Variants in ADAMTS17 observed in about 807,000 individuals in gnomAD.
ADAMTS17 encodes the protein A disintegrin and metalloproteinase with thrombospondin motifs 17.
A neutral mutation model predicts 141.5 loss-of-function variants in ADAMTS17; 113 were observed. The ratio of observed to expected loss-of-function variants is 0.80; its 90% CI spans 0.69 to 0.93. The LOEUF (loss-of-function observed/expected upper bound fraction) is 0.93. Ranked by LOEUF, ADAMTS17 falls within the 40% of genes least tolerant of loss-of-function variation. ADAMTS17 has a pLI of 0.00. For synonymous variants in ADAMTS17, 768 were observed against 630.6 expected (o/e 1.22, Z -3.27); for missense variants, 1,659 against 1,517.9 (o/e 1.09, Z -1.54).
At chr15:100,026,534 A>G (rs147894761) in intron 18 of ADAMTS17, among the ~76,000 whole-genome samples, 64 of 152,338 alleles carry the variant, frequency 4.2e-4, no homozygotes, top group African/African-American at 1.4e-3. Flanking sequence ...TTGCTTGTGT[A>G]AAAGCAGGCA....
chr15:100,048,742 A>G, intron 18 of ADAMTS17, 115 bp downstream of exon 18: 1 of 1,495,134 alleles, frequency 6.7e-7, no homozygotes, highest in Middle Eastern at 2.2e-4. Flanking sequence ...CATCAACAAT[A>G]ACGGAACACA....
At chr15:100,100,713 T>G (rs576056423) in intron 14 of ADAMTS17, among the ~76,000 whole-genome samples, 4 of 152,168 alleles carry the variant, frequency 2.6e-5, no homozygotes, top group Admixed American at 6.5e-5. Flanking sequence ...GGACATGAAC[T>G]ATGGGAGCAT....
chr15:100,148,987 G>A (rs895466049), intron 10 of ADAMTS17, among the ~76,000 whole-genome samples: 2 of 152,248 alleles, frequency 1.3e-5, no homozygotes, highest in Non-Finnish European at 2.9e-5. Context: ...TAGAGTAAGT[G>A]CAGGGGAGCA....
At chr15:100,015,886 G>C (rs1458431935) in intron 18 of ADAMTS17, among the ~76,000 whole-genome samples, 2 of 152,170 alleles carry the variant, frequency 1.3e-5, no homozygotes, top group Non-Finnish European at 2.9e-5. Flanking sequence ...CGTGTTCCTT[G>C]TGCTTCTTGT....
rs533937033 is a variant in ADAMTS17 at position 100,332,087 on chromosome 15, G to A, written c.451-1033C>T. Among the ~76,000 whole-genome samples the A allele has an allele frequency of 7.1e-4, 108 of 152,248 alleles. 1 individual carries two copies. The highest frequency in any genetic ancestry group is 3.4e-3 in the Middle Eastern group (1 of 294). ...CTTGCGTCCCCAAGATACAGGGTGAGGCCATACTTACCGCTCTAAGCATAT... is the reference window on the plus strand; with the variant it reads ...CTTGCGTCCCCAAGATACAGGGTGAAGCCATACTTACCGCTCTAAGCATAT... On this transcript the variant is annotated intron_variant, in intron 2 of 21. Coordinates refer to ENST00000268070, the MANE Select transcript of ADAMTS17 (RefSeq NM_139057.4).
At chr15:100,266,301 C>A (rs1165750939) in intron 4 of ADAMTS17, among the ~76,000 whole-genome samples, 1 of 152,212 alleles carries the variant, frequency 6.6e-6, no homozygotes, top group East Asian at 1.9e-4. Context: ...ATGATGTACA[C>A]ACAAAACCAG....
chr15:99,997,395 T>C lies in ADAMTS17; in HGVS notation c.2786A>G (p.Glu929Gly). Residue 929 changes from glutamate (E) to glycine (G), a missense_variant, in exon 19 of 22, where the codon GAG becomes GGG. By Grantham distance (98) the Glu-to-Gly change is moderately conservative. Coordinates refer to ENST00000268070, the MANE Select transcript of ADAMTS17 (RefSeq NM_139057.4). The surrounding 1 kb of genome is among the most constrained non-coding windows in gnomAD (Gnocchi z 4.7). ...QDCLSIWEASEWSQCSASCGK... is the reference protein window; with the variant it reads ...QDCLSIWEASGWSQCSASCGK... ...AGCCCAGGCACCCACCTGTGACCAC[T>C]CAGACGCCTCCCAGATGGACAGGCA... is the stretch of plus-strand genomic sequence containing the variant. 6.2e-7 allele frequency: 1 copy of C among 1,613,720 alleles called. No individual in the cohort carries two copies. Among genetic ancestry groups the C allele is most frequent in the Non-Finnish European group, 8.5e-7 (1 of 1,180,008 alleles).
intron 3 of ADAMTS17, among the ~76,000 whole-genome samples, chr15:100,328,314 C>T (rs1018863932): frequency 3.3e-5 from 5 of 152,182 alleles, no homozygotes; most frequent in African/African-American, 4.8e-5. Flanking sequence ...ACTGACTGCT[C>T]ATTAGCTCAG....
At chr15:100,087,132 G>T (rs1436252666) in intron 15 of ADAMTS17, among the ~76,000 whole-genome samples, 1 of 152,118 alleles carries the variant, frequency 6.6e-6, no homozygotes. Context: ...GAATCAAATA[G>T]ACACAATACA....
chr15:100,060,463 A>G (rs1324595823), intron 15 of ADAMTS17, among the ~76,000 whole-genome samples: 1 of 152,230 alleles, frequency 6.6e-6, no homozygotes, highest in Non-Finnish European at 1.5e-5. Flanking sequence ...ACCATGAGCC[A>G]TTCCAGGGAG....
intron 3 of ADAMTS17, among the ~76,000 whole-genome samples, chr15:100,283,934 C>T (rs139595282): frequency 0.017 from 2,562 of 152,184 alleles, 52 homozygotes; most frequent in Non-Finnish European, 0.022. Context: ...GGTGAAACCC[C>T]GTCTCTACTA....
At chr15:100,326,894 C>T (rs1019267318) in intron 3 of ADAMTS17, among the ~76,000 whole-genome samples, 22 of 152,284 alleles carry the variant, frequency 1.4e-4, no homozygotes, top group African/African-American at 3.9e-4. Flanking sequence ...AAGAAGTGAC[C>T]GCAGAGAAGT....
At position 100,268,106 on chromosome 15, in the gene ADAMTS17, C is replaced by T. The variant is rs1228199176; in HGVS notation, c.790-5671G>A. ...TAGGATAATGGCCTTTAGCTGTATC[C>T]ATGTTGCTGCAAAGGACGTGAGTTG... On this transcript the variant is annotated intron_variant, in intron 4 of 21. Transcript: ENST00000268070. Among the ~76,000 whole-genome samples, 11 of 146,216 alleles carry T rather than the reference C, an allele frequency of 7.5e-5. No individual in the cohort carries two copies. In the Admixed American group the frequency reaches 7.7e-4, roughly 10 times the overall value.
At chr15:100,018,810 CT>C (rs1423983310) in intron 18 of ADAMTS17, among the ~76,000 whole-genome samples, 1 of 152,144 alleles carries the variant, frequency 6.6e-6, no homozygotes, top group Non-Finnish European at 1.5e-5. Context: ...AGGACGTGCC[CT>C]TTCACATCTA....
At chr15:100,022,752 T>A (rs2061428898) in intron 18 of ADAMTS17, among the ~76,000 whole-genome samples, 1 of 152,206 alleles carries the variant, frequency 6.6e-6, no homozygotes, top group African/African-American at 2.4e-5. Flanking sequence ...ATGGGAGGAA[T>A]AATGAATACC....
intron 3 of ADAMTS17, among the ~76,000 whole-genome samples, chr15:100,299,828 T>TCC (rs1343386485): frequency 1.3e-5 from 2 of 151,870 alleles, no homozygotes; most frequent in Non-Finnish European, 2.9e-5. Flanking sequence ...AAGCCACCTC[T>TCC]CCCCCAGTCC....
At chr15:100,072,715 T>C (rs60597452) in intron 15 of ADAMTS17, among the ~76,000 whole-genome samples, 4,140 of 152,254 alleles carry the variant, frequency 0.027, 74 homozygotes, top group South Asian at 0.075. Flanking sequence ...TGTAGAAAGC[T>C]GAAACTGGAT....
At chr15:100,039,547 T>C (rs765939080) in intron 18 of ADAMTS17, among the ~76,000 whole-genome samples, 8 of 152,198 alleles carry the variant, frequency 5.3e-5, no homozygotes, top group Non-Finnish European at 8.8e-5. Context: ...TACTTATGAG[T>C]TTCTTAAACT....
At chr15:100,104,175 G>A (rs1376782890) in intron 14 of ADAMTS17, among the ~76,000 whole-genome samples, 1 of 152,216 alleles carries the variant, frequency 6.6e-6, no homozygotes, top group Non-Finnish European at 1.5e-5. Flanking sequence ...CTCGCTCATT[G>A]CATGTCAGCA....
Sources: allele counts gnomAD v4.1 joint callset (sites outside exome capture counted in the v4.1 genomes callset), GRCh38; gene constraint gnomAD v4.1.1; non-coding constraint Gnocchi (gnomAD v3.1); transcripts MANE v1.5; gene names NCBI Gene and HGNC (gene_info 2026-07-23, HGNC 2026-07-21).